SMC2: variants seen among roughly 807,000 people sequenced by gnomAD.
SMC2 encodes the protein structural maintenance of chromosomes protein 2.
In SMC2, 41 loss-of-function variants were observed where a neutral mutation model predicts 142.6. The observed-to-expected ratio is 0.29, with a 90% confidence interval of 0.22 to 0.37. The LOEUF is 0.37. Ranked by LOEUF, SMC2 falls within the 10% of genes least tolerant of loss-of-function variation. SMC2 has a pLI of 1.00. For synonymous variants in SMC2, 463 were observed against 457.5 expected, an observed-to-expected ratio of 1.01 and a Z score of -0.15; for missense variants, 1,265 against 1,373.7, an observed-to-expected ratio of 0.92 and a Z score of 1.25.
At chr9:104,105,821 C>T (rs1209975019) in intron 9 of SMC2, among the ~76,000 whole-genome samples, 2 of 152,124 alleles carry the variant, frequency 1.3e-5, no homozygotes, top group Non-Finnish European at 2.9e-5. Context: ...CAGAAATGTC[C>T]TGGATGTCAT....
intron 10 of SMC2, among the ~76,000 whole-genome samples, chr9:104,112,156 T>C (rs1272571875): frequency 2.0e-5 from 3 of 152,234 alleles, no homozygotes; most frequent in African/African-American, 7.2e-5. Flanking sequence ...TTTTTATTGA[T>C]AACATAATGT....
Position 104,125,053 on chromosome 9 carries a change from G to T in SMC2, c.2399G>T (p.Cys800Phe), listed in dbSNP as rs1242942485. The T allele has an allele frequency of 6.3e-7, 1 of 1,598,132 alleles. No homozygotes were observed. Among genetic ancestry groups the T allele is most frequent in the South Asian group, 1.1e-5 (1 of 87,308 alleles). Residue 800 changes from cysteine (C) to phenylalanine (F), a missense_variant, in exon 18 of 25, where the codon TGT becomes TTT. Cys to Phe is a radical substitution (Grantham distance 205). Around this residue, in one of 4 missense-constraint regions of SMC2, gnomAD observed 898 missense variants for 904.2 expected, o/e 0.99. Transcript: ENST00000374793. ...ELKDAQKKLD[C>F]AKTKADASSK... is the part of the protein sequence containing the mutation. ...AAAGATGCTCAGAAAAAACTGGATT[G>T]TGCCAAAACAAAGGCAGATGCATCT...
intron 2 of SMC2, 142 bp from the exon 3 acceptor site, chr9:104,096,006 G>A: frequency 4.5e-6 from 3 of 667,082 alleles, no homozygotes; most frequent in Non-Finnish European, 7.4e-6. Context: ...TGTTTTTCTT[G>A]CCAGAGGATG....
chr9:104,113,625 A>C (rs1587938525), intron 11 of SMC2, 150 bp downstream of exon 11: 2 of 594,222 alleles, frequency 3.4e-6, no homozygotes, highest in East Asian at 6.5e-5. Flanking sequence ...TATCGTCAAA[A>C]AATACCTAAT....
Position 104,139,442 on chromosome 9 carries a change from A to AT in SMC2, c.*128dup. ...GTTACTTAACCCATGTTTTCTCTTT[A>AT]TATAATCACTTATCGCTTACAAATG... On this transcript the variant is annotated 3_prime_UTR_variant, in exon 25 of 25. Transcript: ENST00000374793. 1.5e-6 allele frequency: 1 copy of AT among 685,108 alleles called. No individual in the cohort carries two copies. Among genetic ancestry groups the AT allele is most frequent in the East Asian group, 3.2e-5 (1 of 31,322 alleles). 42.4% of individuals were successfully genotyped at this position (685,108 alleles called of 1,614,324 possible). A position where few individuals can be genotyped will look rare whatever the true frequency, so the allele number is the denominator to read the frequency against.
chr9:104,094,217 G>A (rs1007646877), upstream of SMC2: 2 of 395,668 alleles, frequency 5.1e-6, no homozygotes, highest in Admixed American at 4.4e-5. Context: ...TCGAGTGTAG[G>A]GGAAAAATTG....
chr9:104,133,473 A>T (rs1216572070), intron 22 of SMC2, among the ~76,000 whole-genome samples: 1 of 152,162 alleles, frequency 6.6e-6, no homozygotes, highest in Non-Finnish European at 1.5e-5. Context: ...TTGTTACTAT[A>T]AGTATTCATT....
At chr9:104,093,390 TAGACCGCCTG>T (rs1429999563), upstream of SMC2, among the ~76,000 whole-genome samples, 1 of 152,162 alleles carries the variant, frequency 6.6e-6, no homozygotes, top group East Asian at 1.9e-4. Context: ...AATCTGGAGC[TAGACCGCCTG>T]GGAACAAATC....
chr9:104,120,279 T>A, intron 16 of SMC2, 117 bp downstream of exon 16: 2 of 977,842 alleles, frequency 2.0e-6, no homozygotes, highest in South Asian at 1.9e-5. Flanking sequence ...TGGTTTTATT[T>A]AAAATGTTTG....
intron 21 of SMC2, 106 bp downstream of exon 21, chr9:104,129,951 C>G: frequency 1.3e-6 from 1 of 792,458 alleles, no homozygotes; most frequent in Non-Finnish European, 2.0e-6. Flanking sequence ...TTGCAGATGT[C>G]CTTGATACTT....
intron 12 of SMC2, 99 bp downstream of exon 12, chr9:104,114,180 G>A (rs1049564189): frequency 7.9e-6 from 5 of 632,920 alleles, no homozygotes; most frequent in Admixed American, 5.9e-5. Context: ...CAAGATTTTT[G>A]TATGAAACTT....
At chr9:104,133,204 G>A (rs1054075084) in intron 22 of SMC2, among the ~76,000 whole-genome samples, 1 of 151,898 alleles carries the variant, frequency 6.6e-6, no homozygotes, top group Non-Finnish European at 1.5e-5. Flanking sequence ...ATCGATCTAT[G>A]AATATAACTC....
intron 23 of SMC2, among the ~76,000 whole-genome samples, chr9:104,134,879 A>T (rs1163830946): frequency 6.6e-6 from 1 of 152,140 alleles, no homozygotes; most frequent in Non-Finnish European, 1.5e-5. Flanking sequence ...CTTTCTCTCT[A>T]GAGGCAGTTT....
rs1195293822 is a variant in SMC2, at chr9:104,129,709, A to G, written c.2855A>G (p.Asn952Ser). ...NAERHLFGQP[N>S]SAYDFKTNNP... Reference sequence around the variant, plus strand: ...GAGAGACACCTCTTTGGCCAACCCAATAGTGCCTATGATTTCAAAACTAAC... The same window carrying G: ...GAGAGACACCTCTTTGGCCAACCCAGTAGTGCCTATGATTTCAAAACTAAC... Residue 952 changes from asparagine (N) to serine (S), a missense_variant, in exon 21 of 25, where the codon AAT becomes AGT. By Grantham distance (46) the Asn-to-Ser change is conservative. This residue lies in a region of SMC2 where 898 missense variants were observed against 904.2 expected (regional missense o/e 0.99). Transcript: ENST00000374793. 8 of 1,613,952 alleles carry G rather than the reference A, an allele frequency of 5.0e-6. No homozygotes were observed. The highest frequency in any genetic ancestry group is 1.3e-5 in the African/African-American group (1 of 74,922).
chr9:104,090,824 G>C (rs757712801), upstream of SMC2, among the ~76,000 whole-genome samples: 1 of 122,990 alleles, frequency 8.1e-6, no homozygotes, highest in East Asian at 2.0e-4. Flanking sequence ...GAACTGAAAA[G>C]CTAAAAATAA....
In SMC2 at chr9:104,140,640, T is replaced by C. The variant is rs968449892; in HGVS notation, c.*1325T>C. The C allele has an allele frequency of 2.0e-5, 3 of 152,610 alleles. No individual in the cohort carries two copies. Among genetic ancestry groups the C allele is most frequent in the Non-Finnish European group, 4.4e-5 (3 of 68,016 alleles). 9.5% of individuals were successfully genotyped at this position (152,610 alleles called of 1,614,324 possible). Reference sequence around the variant, plus strand: ...ATGGGACACATTGGAAAGGATTGAATCTGGAATTAGTTCTGTCCACTGTGG... The same window carrying C: ...ATGGGACACATTGGAAAGGATTGAACCTGGAATTAGTTCTGTCCACTGTGG... On this transcript the variant is annotated 3_prime_UTR_variant, in exon 25 of 25. Coordinates refer to ENST00000374793, the MANE Select transcript of SMC2 (RefSeq NM_006444.3).
chr9:104,095,442 G>T lies in SMC2; in HGVS notation c.58G>T (p.Val20Phe). The change falls in exon 2 of 25, where the codon GTC (valine) becomes TTC (phenylalanine). Residue 20 changes from valine (V) to phenylalanine (F), a missense_variant. Val to Phe is a conservative substitution (Grantham distance 50). This residue lies in a region of SMC2 where 168 missense variants were observed against 184.8 expected (regional missense o/e 0.91). Coordinates refer to ENST00000374793, the MANE Select transcript of SMC2 (RefSeq NM_006444.3). Reference sequence around the variant, plus strand: ...CAAGTCCTATGCTCAGAGGACCGAAGTCAATGGTTTTGACCCCCTCTTCAA... The same window carrying T: ...CAAGTCCTATGCTCAGAGGACCGAATTCAATGGTTTTGACCCCCTCTTCAA... Reference protein sequence around the residue: ...GFKSYAQRTEVNGFDPLFNAI... With the variant: ...GFKSYAQRTEFNGFDPLFNAI... 1 of 1,613,940 alleles carries T rather than the reference G, an allele frequency of 6.2e-7. No homozygotes were observed.
At position 104,125,007 on chromosome 9, in the gene SMC2, G is replaced by T; in HGVS notation, c.2353G>T (p.Ala785Ser). The T allele has an allele frequency of 1.9e-6, 3 of 1,607,804 alleles. No individual in the cohort carries two copies. The highest frequency in any genetic ancestry group is 2.5e-6 in the Non-Finnish European group (3 of 1,178,498). ...VLENKMKNAE[A>S]ERERELKDAQ... ...GGAAAATAAAATGAAAAATGCAGAAGCTGAAAGAGAGCGAGAACTGAAAGA... is the reference window on the plus strand; with the variant it reads ...GGAAAATAAAATGAAAAATGCAGAATCTGAAAGAGAGCGAGAACTGAAAGA... The change falls in exon 18 of 25, where the codon GCT (alanine) becomes TCT (serine). Residue 785 changes from alanine to serine, a missense_variant. Around this residue, in one of 4 missense-constraint regions of SMC2, gnomAD observed 898 missense variants for 904.2 expected, o/e 0.99. Coordinates refer to ENST00000374793, the MANE Select transcript of SMC2 (RefSeq NM_006444.3).
intron 23 of SMC2, 85 bp from the exon 24 acceptor site, chr9:104,137,933 C>A: frequency 1.0e-6 from 1 of 983,420 alleles, no homozygotes; most frequent in Non-Finnish European, 1.4e-6. Flanking sequence ...GCTCTATTCA[C>A]AATAATAGGA....
Sources: gnomAD v4.1 joint callset for allele counts (sites outside exome capture counted in the v4.1 genomes callset) on GRCh38, gnomAD v4.1.1 for gene constraint, gnomAD v4.1.1 regional missense constraint, MANE v1.5 for transcripts, NCBI Gene and HGNC (gene_info 2026-07-23, HGNC 2026-07-21) for gene names.